ENPP2: variants seen among roughly 807,000 people sequenced by gnomAD.
ENPP2 encodes the protein ectonucleotide pyrophosphatase/phosphodiesterase 2.
In ENPP2, 51 loss-of-function variants were observed where a neutral mutation model predicts 120.2. That is an observed-to-expected ratio of 0.42 (90% CI 0.34 to 0.54). The LOEUF (loss-of-function observed/expected upper bound fraction) is 0.54. Ranked by LOEUF, ENPP2 falls within the 20% of genes least tolerant of loss-of-function variation. The probability of loss-of-function intolerance (pLI) is 0.04; values close to 1 mark genes in which losing one functional copy is unlikely to be tolerated. For synonymous variants in ENPP2, 365 were observed against 366.4 expected (o/e 1.00, Z 0.04); for missense variants, 920 against 1,066.5 (o/e 0.86, Z 1.91).
At position 119,587,329 on chromosome 8, in the gene ENPP2, C is replaced by T. The variant is rs76440521; in HGVS notation, c.1208-254G>A. Among the ~76,000 whole-genome samples the T allele has an allele frequency of 4.0e-3, 610 of 152,234 alleles. 3 individuals are homozygous for T. Among genetic ancestry groups the T allele is most frequent in the African/African-American group, 0.014 (587 of 41,536 alleles). ...AGTTCTGCTCTTCTGGAGGGAATTCCTCCTTCCATAGCACCAGGATACTGC... is the reference window on the plus strand; with the variant it reads ...AGTTCTGCTCTTCTGGAGGGAATTCTTCCTTCCATAGCACCAGGATACTGC... On this transcript the variant is annotated intron_variant, in intron 13 of 24. Transcript: ENST00000075322.
At chr8:119,621,081 G>T (rs190243234) in intron 4 of ENPP2, among the ~76,000 whole-genome samples, 24 of 152,272 alleles carry the variant, frequency 1.6e-4, no homozygotes, top group African/African-American at 5.8e-4. Flanking sequence ...TCAATAAACT[G>T]CATGTACCGA....
At chr8:119,641,279 T>C (rs1817279120), upstream of ENPP2, among the ~76,000 whole-genome samples, 1 of 149,292 alleles carries the variant, frequency 6.7e-6, no homozygotes, top group Non-Finnish European at 1.5e-5. Context: ...GCTATCAAAT[T>C]AACTACAAAA....
At chr8:119,669,227 A>G (rs1818169788) in intron 1 of ENPP2, among the ~76,000 whole-genome samples, 1 of 152,210 alleles carries the variant, frequency 6.6e-6, no homozygotes, top group African/African-American at 2.4e-5. Context: ...TAATAAATGC[A>G]TTCAACCAGT....
chr8:119,597,180 G>A (rs763089870), intron 11 of ENPP2, among the ~76,000 whole-genome samples: 11 of 152,136 alleles, frequency 7.2e-5, no homozygotes, highest in Non-Finnish European at 1.3e-4. Flanking sequence ...AAAAGACACA[G>A]CCCCAAAGAC....
chr8:119,576,932 T>G (rs1296313040), intron 19 of ENPP2, among the ~76,000 whole-genome samples: 2 of 152,344 alleles, frequency 1.3e-5, no homozygotes, highest in African/African-American at 4.8e-5. Flanking sequence ...TAGTAAAGGA[T>G]TTGATTCCAT....
intron 8 of ENPP2, among the ~76,000 whole-genome samples, chr8:119,616,032 T>C (rs1283094998): frequency 6.6e-6 from 1 of 151,694 alleles, no homozygotes; most frequent in Non-Finnish European, 1.5e-5. Context: ...AAATATATAA[T>C]ATATACATAT....
intron 24 of ENPP2, among the ~76,000 whole-genome samples, chr8:119,560,465 AC>A (rs1813842839): frequency 6.6e-6 from 1 of 151,932 alleles, no homozygotes; most frequent in Non-Finnish European, 1.5e-5. Context: ...CATTTATAAA[AC>A]CCTATGGATC....
intron 11 of ENPP2, among the ~76,000 whole-genome samples, chr8:119,594,408 T>A (rs966340210): frequency 6.6e-6 from 1 of 152,242 alleles, no homozygotes; most frequent in African/African-American, 2.4e-5. Context: ...AAGAACCTAT[T>A]CTAAGAAACA....
chr8:119,657,536 G>A (rs1444416972), intron 1 of ENPP2, among the ~76,000 whole-genome samples: 2 of 152,092 alleles, frequency 1.3e-5, no homozygotes, highest in African/African-American at 2.4e-5. Flanking sequence ...TCTTCTCATC[G>A]TCCCTTAGCA....
intron 21 of ENPP2, among the ~76,000 whole-genome samples, 178 bp from the exon 22 acceptor site, chr8:119,568,430 C>T (rs1442431636): frequency 6.6e-6 from 1 of 152,128 alleles, no homozygotes; most frequent in African/African-American, 2.4e-5. Flanking sequence ...TCCCCTCCCA[C>T]TCAGTCTCTT....
intron 24 of ENPP2, among the ~76,000 whole-genome samples, chr8:119,561,714 T>G (rs903735020): frequency 7.2e-5 from 11 of 152,174 alleles, no homozygotes; most frequent in Non-Finnish European, 1.5e-4. Flanking sequence ...AAACAGTGAC[T>G]GCTACACCTC....
At chr8:119,647,000 T>C (rs569737752) in intron 1 of ENPP2, among the ~76,000 whole-genome samples, 17 of 144,482 alleles carry the variant, frequency 1.2e-4, no homozygotes, top group Middle Eastern at 3.6e-3. Context: ...ATCTCTCTCT[T>C]TTTTTTTTTT....
intron 1 of ENPP2, among the ~76,000 whole-genome samples, chr8:119,656,688 T>C (rs1184558897): frequency 6.6e-6 from 1 of 152,146 alleles, no homozygotes; most frequent in Non-Finnish European, 1.5e-5. Context: ...TATTAGTTGG[T>C]AATGGCAGAA....
intron 1 of ENPP2, among the ~76,000 whole-genome samples, chr8:119,650,596 G>C (rs763907892): frequency 6.6e-6 from 1 of 152,098 alleles, no homozygotes; most frequent in Non-Finnish European, 1.5e-5. Context: ...CAGTTCTCAG[G>C]TTCATGCATT....
At chr8:119,617,418 G>C (rs1397427659) in intron 6 of ENPP2, 48 bp downstream of exon 6, 1 of 1,342,666 alleles carries the variant, frequency 7.4e-7, no homozygotes, top group Non-Finnish European at 1.1e-6. Flanking sequence ...TGGTTAGTGT[G>C]GAGATCCTAG....
chr8:119,562,280 T>C (rs1313147858), intron 24 of ENPP2, among the ~76,000 whole-genome samples: 1 of 151,190 alleles, frequency 6.6e-6, no homozygotes, highest in African/African-American at 2.4e-5. Flanking sequence ...CCATCTCTAC[T>C]AAAAATACAA....
chr8:119,562,884 G>A lies in ENPP2; in HGVS notation c.2394C>T (p.His798=). Residue 798 remains histidine, a synonymous_variant, in exon 24 of 25, where the codon CAC becomes CAT. Transcript: ENST00000075322. ...TGCAGCTCTCCTCGTTGTCAGGCCG[G>A]TGAGGCAGGATGAAGGAGGACACAG... ...PLSVSSFILP[H]RPDNEESCNS... The A allele has an allele frequency of 1.2e-6, 2 of 1,614,172 alleles. No homozygotes were observed. Among genetic ancestry groups the A allele is most frequent in the Middle Eastern group, 1.6e-4 (1 of 6,062 alleles).
Position 119,593,858 on chromosome 8 carries a change from C to A in ENPP2, c.975G>T (p.Met325Ile), listed in dbSNP as rs1452351471. The part of the protein sequence containing the change: ...GHKYGPFGPE[M>I]TNPLREIDKI... ...TGTCGATTTCCCTCAGAGGATTTGT[C>A]ATCTAGGAAAAAGAAGCAAGTTAGT... The change falls in exon 12 of 25, where the codon ATG becomes ATT. Residue 325 changes from methionine (M) to isoleucine (I), a missense_variant and splice_region_variant. Met to Ile is a conservative substitution (Grantham distance 10, BLOSUM62 1). Transcript: ENST00000075322. 6.3e-7 allele frequency: 1 copy of A among 1,590,654 alleles called. No individual in the cohort carries two copies. The highest frequency in any genetic ancestry group is 8.6e-7 in the Non-Finnish European group (1 of 1,158,748).
At chr8:119,577,124 C>G (rs981129621) in intron 19 of ENPP2, among the ~76,000 whole-genome samples, 6 of 152,142 alleles carry the variant, frequency 3.9e-5, no homozygotes, top group African/African-American at 1.4e-4. Context: ...ATAAATGTTA[C>G]AGGTGAAGTG....
Sources: gnomAD v4.1 joint callset for allele counts (sites outside exome capture counted in the v4.1 genomes callset) on GRCh38, gnomAD v4.1.1 for gene constraint, MANE v1.5 for transcripts, NCBI Gene and HGNC (gene_info 2026-07-23, HGNC 2026-07-21) for gene names.